ZNF385D: variants seen among roughly 807,000 people sequenced by gnomAD.
The protein encoded by ZNF385D is zinc finger protein 659.
A neutral mutation model predicts 35.8 loss-of-function variants in ZNF385D; 15 were observed. The observed-to-expected ratio is 0.42, with a 90% CI of 0.28 to 0.64. The LOEUF is 0.64. ZNF385D is among the 30% of genes least tolerant of loss of function. The probability of loss-of-function intolerance (pLI) is 0.23; values close to 1 mark genes in which losing one functional copy is unlikely to be tolerated. For missense variants in ZNF385D, 474 were observed against 494.6 expected (o/e 0.96, Z 0.39); for synonymous variants, 212 against 186.8 (o/e 1.13, Z -1.10).
chr3:22,167,857 T>G (rs1019156650), intron 3 of ZNF385D, among the ~76,000 whole-genome samples: 4 of 152,116 alleles, frequency 2.6e-5, no homozygotes, highest in African/African-American at 9.7e-5. Flanking sequence ...TTGAAAGAAA[T>G]AAAAAATCCT....
At chr3:21,927,269 ATC>A (rs1489201581) in intron 3 of ZNF385D, among the ~76,000 whole-genome samples, 3 of 147,592 alleles carry the variant, frequency 2.0e-5, no homozygotes, top group African/African-American at 4.9e-5. Flanking sequence ...AGCCAAATAA[ATC>A]TCTTTTTTTT....
intron 3 of ZNF385D, among the ~76,000 whole-genome samples, chr3:22,085,443 A>C (rs577364585): frequency 6.6e-6 from 1 of 152,310 alleles, no homozygotes; most frequent in East Asian, 1.9e-4. Flanking sequence ...GAATACTATA[A>C]ACACCTCCAT....
intron 3 of ZNF385D, among the ~76,000 whole-genome samples, chr3:21,536,503 T>G (rs751450653): frequency 9.9e-5 from 15 of 152,094 alleles, no homozygotes; most frequent in Non-Finnish European, 1.6e-4. Flanking sequence ...ATTTTAGAGC[T>G]TAAATAAAAG....
chr3:21,468,583 T>A (rs1175135044), intron 4 of ZNF385D, among the ~76,000 whole-genome samples: 3 of 151,942 alleles, frequency 2.0e-5, no homozygotes, highest in Non-Finnish European at 4.4e-5. Flanking sequence ...AAACAACATG[T>A]ATGAACCTCA....
intron 2 of ZNF385D, among the ~76,000 whole-genome samples, chr3:22,303,634 T>C (rs1321109447): frequency 2.6e-5 from 4 of 152,310 alleles, no homozygotes; most frequent in African/African-American, 7.2e-5. Flanking sequence ...TAAACCATAT[T>C]GCTATAATTA....
chr3:21,836,973 T>G (rs2125777478), intron 3 of ZNF385D, among the ~76,000 whole-genome samples: 1 of 152,198 alleles, frequency 6.6e-6, no homozygotes, highest in East Asian at 1.9e-4. Flanking sequence ...TATGAGAAAT[T>G]TTTAAGGAGA....
intron 2 of ZNF385D, among the ~76,000 whole-genome samples, chr3:21,570,405 T>G (rs1212577321): frequency 6.6e-6 from 1 of 152,170 alleles, no homozygotes; most frequent in Non-Finnish European, 1.5e-5. Context: ...GACTGTTGTA[T>G]TTTCAGAGAG....
At chr3:21,915,692 A>G (rs1700163060) in intron 3 of ZNF385D, among the ~76,000 whole-genome samples, 2 of 152,174 alleles carry the variant, frequency 1.3e-5, no homozygotes, top group African/African-American at 4.8e-5. Flanking sequence ...AAAACCAATA[A>G]GTAGGTCAAT....
chr3:21,814,668 C>T (rs1025991807), intron 3 of ZNF385D, among the ~76,000 whole-genome samples: 1 of 152,128 alleles, frequency 6.6e-6, no homozygotes, highest in Non-Finnish European at 1.5e-5. Context: ...TACAGGAGCA[C>T]CCAGATTCAT....
chr3:21,870,013 T>A (rs558766835), intron 3 of ZNF385D, among the ~76,000 whole-genome samples: 20 of 152,206 alleles, frequency 1.3e-4, no homozygotes, highest in Admixed American at 5.2e-4. Context: ...GATTTTTTTT[T>A]AAAAAACAAC....
chr3:22,097,996 A>G (rs1701720327), intron 3 of ZNF385D, among the ~76,000 whole-genome samples: 1 of 152,016 alleles, frequency 6.6e-6, no homozygotes, highest in Non-Finnish European at 1.5e-5. Context: ...AAACTGTAAC[A>G]TTTTCCCCAC....
chr3:22,154,867 A>G (rs1342238250), intron 3 of ZNF385D, among the ~76,000 whole-genome samples: 1 of 152,184 alleles, frequency 6.6e-6, no homozygotes, highest in Non-Finnish European at 1.5e-5. Flanking sequence ...CTCTCCACAG[A>G]AAACAGGAAA....
chr3:22,027,450 G>C (rs1023237916), intron 3 of ZNF385D, among the ~76,000 whole-genome samples: 1 of 152,180 alleles, frequency 6.6e-6, no homozygotes, highest in African/African-American at 2.4e-5. Flanking sequence ...TCAAGCCTTT[G>C]GCAGGTCCCC....
chr3:21,437,063 C>G lies in ZNF385D; in HGVS notation c.580G>C (p.Glu194Gln), dbSNP rs779622725. 7 of 1,613,876 alleles carry G rather than the reference C, an allele frequency of 4.3e-6. No homozygotes were observed. Among genetic ancestry groups the G allele is most frequent in the Non-Finnish European group, 5.9e-6 (7 of 1,179,912 alleles). Residue 194 changes from glutamate to glutamine, a missense_variant, in exon 5 of 8, where the codon GAG becomes CAG. Glu to Gln is a conservative substitution (Grantham distance 29). Transcript: ENST00000281523. ...ATGNSSCPST[E>Q]TEEEKAKRLL... ...CGTTTTGCCTTTTCTTCCTCGGTCTCAGTAGAAGGACATGAGCTATTGCCA... is the reference window on the plus strand; with the variant it reads ...CGTTTTGCCTTTTCTTCCTCGGTCTGAGTAGAAGGACATGAGCTATTGCCA...
At chr3:21,920,466 AG>A (rs1486322095) in intron 3 of ZNF385D, among the ~76,000 whole-genome samples, 3 of 152,112 alleles carry the variant, frequency 2.0e-5, no homozygotes, top group Non-Finnish European at 2.9e-5. Flanking sequence ...AAATATTAGT[AG>A]GTTTTTTTTA....
intron 2 of ZNF385D, among the ~76,000 whole-genome samples, chr3:22,272,350 T>C (rs1386016262): frequency 1.3e-5 from 2 of 151,988 alleles, no homozygotes; most frequent in East Asian, 3.9e-4. Flanking sequence ...TATCTAAATT[T>C]CTAAATTCTA....
rs10676871 is a variant in ZNF385D, at chr3:22,107,026, G to GTTTTTTTTTTTT, written c.325+61779_325+61790dup. ...TTTATGCAAAAACTTTGGAATGAGAGTTTTTTTTTTTTTTTTAGACAGAGT... is the reference window on the plus strand; with the variant it reads ...TTTATGCAAAAACTTTGGAATGAGAGTTTTTTTTTTTTTTTTTTTTTTTTTTTTAGACAGAGT... On this transcript the variant is annotated intron_variant, in intron 3 of 5. Transcript: ENST00000494108. 2.3e-3 allele frequency among the ~76,000 whole-genome samples: 277 copies of GTTTTTTTTTTTT among 118,774 alleles called. 14 individuals are homozygous for GTTTTTTTTTTTT. Among genetic ancestry groups the GTTTTTTTTTTTT allele is most frequent in the African/African-American group, 5.9e-3 (198 of 33,440 alleles). The allele number at this position is 118,774 out of a possible 152,430, so 77.9% of individuals were successfully genotyped here. A position where few individuals can be genotyped will look rare whatever the true frequency, so the allele number is the denominator to read the frequency against.
intron 3 of ZNF385D, among the ~76,000 whole-genome samples, chr3:22,078,237 T>C (rs1237743218): frequency 7.9e-5 from 12 of 152,036 alleles, no homozygotes; most frequent in Non-Finnish European, 1.8e-4. Flanking sequence ...TCAAAAGATA[T>C]AAATGATTTG....
chr3:21,944,772 T>C (rs550338447), intron 3 of ZNF385D, among the ~76,000 whole-genome samples: 1 of 152,102 alleles, frequency 6.6e-6, no homozygotes, highest in Non-Finnish European at 1.5e-5. Flanking sequence ...ATTAAGATTA[T>C]TATTTTATAT....
Sources: gnomAD v4.1 joint callset for allele counts (sites outside exome capture counted in the v4.1 genomes callset) on GRCh38, gnomAD v4.1.1 for gene constraint, MANE v1.5 for transcripts, NCBI Gene and HGNC (gene_info 2026-07-23, HGNC 2026-07-21) for gene names.